PDZD8: variants seen among roughly 807,000 people sequenced by gnomAD.
The protein encoded by PDZD8 is PDZ domain-containing protein 8.
A neutral mutation model predicts 85.8 loss-of-function variants in PDZD8; 14 were observed. The observed-to-expected ratio is 0.16, with a 90% CI of 0.11 to 0.26. The LOEUF (loss-of-function observed/expected upper bound fraction) is 0.26, where lower values mean the gene tolerates loss of function less well. Ranked by LOEUF, PDZD8 falls within the 10% of genes least tolerant of loss-of-function variation. The pLI is 1.00. For missense variants in PDZD8, 1,197 were observed against 1,424.3 expected, an observed-to-expected ratio of 0.84 and a Z score of 2.57; for synonymous variants, 592 against 568.6, an observed-to-expected ratio of 1.04 and a Z score of -0.59.
intron 3 of PDZD8, among the ~76,000 whole-genome samples, chr10:117,303,594 C>T (rs1843884620): frequency 6.6e-6 from 1 of 152,218 alleles, no homozygotes. Flanking sequence ...TGTCTCCAGG[C>T]CATATAGAGA....
intron 1 of PDZD8, among the ~76,000 whole-genome samples, chr10:117,348,040 T>C (rs908167128): frequency 2.0e-5 from 3 of 152,176 alleles, no homozygotes; most frequent in African/African-American, 7.2e-5. Context: ...CGGTTGCACA[T>C]ATATGTGAAT....
chr10:117,333,128 A>AAAAAAAAAAC (rs1564703008), intron 2 of PDZD8, among the ~76,000 whole-genome samples: 1 of 142,740 alleles, frequency 7.0e-6, no homozygotes, highest in African/African-American at 2.8e-5. Context: ...AAAAAAAAAA[A>AAAAAAAAAAC]AAAAAAAAAA....
intron 1 of PDZD8, among the ~76,000 whole-genome samples, chr10:117,372,173 G>A (rs943129562): frequency 2.0e-5 from 3 of 152,176 alleles, no homozygotes; most frequent in Admixed American, 6.5e-5. Context: ...TAGCACAGAT[G>A]TGCATACTTC....
chr10:117,309,959 T>G (rs1181834105), intron 3 of PDZD8, among the ~76,000 whole-genome samples: 2 of 152,138 alleles, frequency 1.3e-5, no homozygotes, highest in Non-Finnish European at 2.9e-5. Context: ...TGATGTCACT[T>G]TCATTCTAAA....
chr10:117,316,046 A>G, intron 3 of PDZD8, among the ~76,000 whole-genome samples: 1 of 152,124 alleles, frequency 6.6e-6, no homozygotes, highest in East Asian at 1.9e-4. Context: ...TTTAGTATTT[A>G]CTCTGTCATC....
intron 2 of PDZD8, among the ~76,000 whole-genome samples, chr10:117,335,010 T>C (rs1340195791): frequency 6.6e-6 from 1 of 151,600 alleles, no homozygotes; most frequent in African/African-American, 2.4e-5. Context: ...AATTTGGTTG[T>C]AACCATTAAT....
In PDZD8 at chr10:117,289,771, G is replaced by C. The variant is rs1844724117; in HGVS notation, c.1261+415C>G. Among the ~76,000 whole-genome samples the C allele has an allele frequency of 2.0e-5, 3 of 152,306 alleles. No homozygotes were observed. In the South Asian group the frequency reaches 6.2e-4, roughly 32 times the overall value. On this transcript the variant is annotated intron_variant, in intron 4 of 4. Transcript: ENST00000334464. ...TGTTGGTTCTTCTGCTCATCATCTA[G>C]TGCTAAGTGATGGGGGCAGTAGTGC...
intron 3 of PDZD8, among the ~76,000 whole-genome samples, chr10:117,290,787 C>CT (rs1238989819): frequency 6.7e-6 from 1 of 149,794 alleles, no homozygotes; most frequent in African/African-American, 2.5e-5. Context: ...CTGAATCTTG[C>CT]TTTTTTCAAA....
chr10:117,370,220 T>G (rs952423595), intron 1 of PDZD8, among the ~76,000 whole-genome samples: 1 of 152,232 alleles, frequency 6.6e-6, no homozygotes, highest in African/African-American at 2.4e-5. Context: ...CTACATATTA[T>G]AATTCATTTT....
intron 3 of PDZD8, among the ~76,000 whole-genome samples, chr10:117,295,132 C>T (rs1370818110): frequency 1.3e-5 from 2 of 151,944 alleles, no homozygotes; most frequent in Non-Finnish European, 2.9e-5. Context: ...GGCAACAGAG[C>T]TAGACCCTGC....
intron 3 of PDZD8, among the ~76,000 whole-genome samples, chr10:117,292,565 G>A (rs897710200): frequency 8.6e-6 from 1 of 115,928 alleles, no homozygotes; most frequent in Non-Finnish European, 1.9e-5. Flanking sequence ...ATTAACACCT[G>A]CATTTGGAAT....
intron 4 of PDZD8, 186 bp from the exon 5 acceptor site, chr10:117,285,657 C>G: frequency 8.4e-7 from 1 of 1,195,280 alleles, no homozygotes; most frequent in Non-Finnish European, 1.1e-6. Context: ...TGCTAATTCT[C>G]AAACCCTGAA....
rs1264044840 is a variant in PDZD8 at position 117,283,671 on chromosome 10, C to T, written c.3062G>A (p.Arg1021His). 10 of 1,614,216 alleles carry T rather than the reference C, an allele frequency of 6.2e-6. No individual in the cohort carries two copies. Among genetic ancestry groups the T allele is most frequent in the South Asian group, 3.3e-5 (3 of 91,086 alleles). Residue 1021 changes from arginine (R) to histidine (H), a missense_variant, in exon 5 of 5, where the codon CGT (arginine) becomes CAT (histidine). Physicochemically the swap from Arg to His is conservative, Grantham distance 29. Coordinates refer to ENST00000334464, the MANE Select transcript of PDZD8 (RefSeq NM_173791.5). ...SVFIAVKEIG[R>H]DLYRGLPTEE... ...TGTAGGCAAGCCCCTGTACAGATCA[C>T]GACCAATTTCTTTAACTGCAATGAA... is the stretch of plus-strand genomic sequence containing the variant.
At chr10:117,325,418 T>TTTTTTTTTTTTG (rs1454842688) in intron 2 of PDZD8, among the ~76,000 whole-genome samples, 3 of 145,882 alleles carry the variant, frequency 2.1e-5, no homozygotes, top group Non-Finnish European at 4.5e-5. Context: ...TTTTTTTTTT[T>TTTTTTTTTTTTG]TTGAGACAGA....
At chr10:117,319,662 A>G (rs997528617) in intron 2 of PDZD8, among the ~76,000 whole-genome samples, 3 of 152,216 alleles carry the variant, frequency 2.0e-5, no homozygotes, top group Admixed American at 2.0e-4. Context: ...TACTGGCATC[A>G]TGTAATTTTA....
chr10:117,325,404 C>CTTTTTTTTTTTTTTT lies in PDZD8; in HGVS notation c.996-6445_996-6431dup, dbSNP rs71013659. On this transcript the variant is annotated intron_variant, in intron 2 of 4. Transcript: ENST00000334464. ...CTATCAAAAGTTCCAGAAAAGCCAA[C>CTTTTTTTTTTTTTTT]TTTTTTTTTTTTTTTTGAGACAGAG... Among the ~76,000 whole-genome samples, 39 of 99,840 alleles carry CTTTTTTTTTTTTTTT rather than the reference C, an allele frequency of 3.9e-4. 5 individuals are homozygous for CTTTTTTTTTTTTTTT. The highest frequency in any genetic ancestry group is 7.0e-4 in the South Asian group (2 of 2,856). The allele number at this position is 99,840 out of a possible 152,430, so 65.5% of individuals were successfully genotyped here.
chr10:117,322,600 T>G (rs1161961578), intron 2 of PDZD8, among the ~76,000 whole-genome samples: 1 of 152,192 alleles, frequency 6.6e-6, no homozygotes, highest in African/African-American at 2.4e-5. Context: ...TTTGCAGTTA[T>G]GTTGGTTCTA....
At chr10:117,325,497 G>T in intron 2 of PDZD8, among the ~76,000 whole-genome samples, 1 of 138,224 alleles carries the variant, frequency 7.2e-6, no homozygotes, top group Non-Finnish European at 1.5e-5. Context: ...CCACCTCCTG[G>T]GTTCAAGCAA....
chr10:117,322,204 C>T (rs2803799), intron 2 of PDZD8, among the ~76,000 whole-genome samples: 116,039 of 151,980 alleles, frequency 0.76, 45,062 homozygotes, highest in Non-Finnish European at 0.85. Flanking sequence ...CCCAAACAGA[C>T]TTATAACTAA....
Sources: gnomAD v4.1 joint callset for allele counts (sites outside exome capture counted in the v4.1 genomes callset) on GRCh38, gnomAD v4.1.1 for gene constraint, MANE v1.5 for transcripts, NCBI Gene and HGNC (gene_info 2026-07-23, HGNC 2026-07-21) for gene names.